Variants in SYN2 observed in about 807,000 individuals in gnomAD.
SYN2 encodes synapsin II.
In SYN2, 19 loss-of-function variants were observed where a neutral mutation model predicts 50.9. The observed-to-expected ratio is 0.37, with a 90% confidence interval of 0.26 to 0.55. The LOEUF is 0.55. Among genes scored for constraint, SYN2 ranks in the 20% least tolerant of loss-of-function variants. The probability of loss-of-function intolerance (pLI) is 0.81; values close to 1 mark genes in which losing one functional copy is unlikely to be tolerated. For synonymous variants in SYN2, 255 were observed against 224.9 expected, an observed-to-expected ratio of 1.13 and a Z score of -1.20; for missense variants, 587 against 576.4, an observed-to-expected ratio of 1.02 and a Z score of -0.19.
intron 1 of SYN2, among the ~76,000 whole-genome samples, chr3:12,044,212 C>T (rs971464494): frequency 6.6e-6 from 1 of 151,728 alleles, no homozygotes; most frequent in Non-Finnish European, 1.5e-5. Context: ...CACACACACA[C>T]ACACACACAC....
intron 1 of SYN2, among the ~76,000 whole-genome samples, chr3:12,074,909 C>G (rs1195708556): frequency 3.9e-5 from 6 of 152,068 alleles, no homozygotes. Flanking sequence ...TCTGAGATAT[C>G]CCTGTATCCT....
At chr3:12,062,691 A>G (rs1695139254) in intron 1 of SYN2, among the ~76,000 whole-genome samples, 1 of 152,088 alleles carries the variant, frequency 6.6e-6, no homozygotes, top group Admixed American at 6.6e-5. Context: ...TTACAAAACT[A>G]AACATAGTCT....
chr3:12,180,248 GTT>G (rs11306104), intron 10 of SYN2, among the ~76,000 whole-genome samples: 45 of 148,554 alleles, frequency 3.0e-4, no homozygotes, highest in Admixed American at 7.3e-4. Flanking sequence ...ACCCAGCTGG[GTT>G]TTTTTTTTTT....
chr3:12,082,334 C>T lies in SYN2; in HGVS notation c.378-58317C>T, dbSNP rs557604457. On this transcript the variant is annotated intron_variant, in intron 1 of 12. Transcript: ENST00000621198. The stretch of plus-strand genomic sequence containing the variant: ...CTAGCACATACCAAAATTACAGACC[C>T]GCAGGAGTAAAGCAGGTATTCAGCA... Among the ~76,000 whole-genome samples, 72 of 152,238 alleles carry T rather than the reference C, an allele frequency of 4.7e-4. 1 individual carries two copies. The highest frequency in any genetic ancestry group is 1.6e-3 in the African/African-American group (66 of 41,530).
chr3:12,155,168 A>T (rs1468319612), intron 5 of SYN2, among the ~76,000 whole-genome samples: 1 of 152,262 alleles, frequency 6.6e-6, no homozygotes, highest in East Asian at 1.9e-4. Flanking sequence ...CAGTCGCTCA[A>T]TCATTTACTC....
chr3:12,061,534 G>C (rs547390333), intron 1 of SYN2, among the ~76,000 whole-genome samples: 3 of 152,038 alleles, frequency 2.0e-5, no homozygotes, highest in African/African-American at 7.2e-5. Context: ...ACATCATATT[G>C]GATAACTTAG....
chr3:12,040,308 C>T (rs980408164), intron 1 of SYN2, among the ~76,000 whole-genome samples: 1 of 152,078 alleles, frequency 6.6e-6, no homozygotes, highest in Non-Finnish European at 1.5e-5. Context: ...ATTAATCTGC[C>T]TCTGATGAAC....
In SYN2 at chr3:12,105,183, G is replaced by C. The variant is rs924206749; in HGVS notation, c.378-35468G>C. Among the ~76,000 whole-genome samples, 5 of 152,108 alleles carry C rather than the reference G, an allele frequency of 3.3e-5. No individual in the cohort carries two copies. In the East Asian group the frequency reaches 7.7e-4, roughly 24 times the overall value. Reference sequence around the variant, plus strand: ...CTAAATTAGAAGAATGTCAACTCATGCAGTGGCTACAGTATTAGACAAGGA... The same window carrying C: ...CTAAATTAGAAGAATGTCAACTCATCCAGTGGCTACAGTATTAGACAAGGA... On this transcript the variant is annotated intron_variant, in intron 1 of 12. Coordinates refer to ENST00000621198, the MANE Select transcript of SYN2 (RefSeq NM_133625.6).
intron 5 of SYN2, chr3:12,158,667 C>T (rs747610006): frequency 1.2e-6 from 2 of 1,607,230 alleles, no homozygotes; most frequent in Admixed American, 1.7e-5. Flanking sequence ...CCCACAACCA[C>T]CCCCTGCTGT....
chr3:12,167,613 T>A (rs1044080744), intron 8 of SYN2, among the ~76,000 whole-genome samples: 3 of 152,250 alleles, frequency 2.0e-5, no homozygotes, highest in East Asian at 1.9e-4. Flanking sequence ...TTTTTTTTTT[T>A]TATAATTACC....
intron 1 of SYN2, among the ~76,000 whole-genome samples, chr3:12,098,618 T>A (rs1433215226): frequency 6.6e-6 from 1 of 151,476 alleles, no homozygotes; most frequent in Non-Finnish European, 1.5e-5. Flanking sequence ...AAATGCAAAT[T>A]TAGCACAAAA....
At chr3:12,043,301 A>G (rs1490119135) in intron 1 of SYN2, among the ~76,000 whole-genome samples, 1 of 152,166 alleles carries the variant, frequency 6.6e-6, no homozygotes, top group Non-Finnish European at 1.5e-5. Context: ...CACTGGGTTT[A>G]CAGGTGTGAA....
intron 1 of SYN2, among the ~76,000 whole-genome samples, chr3:12,009,917 A>C (rs1028779287): frequency 4.6e-5 from 7 of 152,126 alleles, no homozygotes; most frequent in Admixed American, 1.3e-4. Flanking sequence ...CAACACGGTG[A>C]AACCCCGTCT....
At chr3:12,164,655 G>A (rs1267141613) in intron 7 of SYN2, among the ~76,000 whole-genome samples, 1 of 152,182 alleles carries the variant, frequency 6.6e-6, no homozygotes, top group Non-Finnish European at 1.5e-5. Context: ...CAGCTGTGGA[G>A]GTCATATGAT....
At chr3:12,067,457 A>G (rs1172733424) in intron 1 of SYN2, among the ~76,000 whole-genome samples, 4 of 152,324 alleles carry the variant, frequency 2.6e-5, no homozygotes, top group East Asian at 1.9e-4. Flanking sequence ...TCCTCTAATT[A>G]ATATGCATGG....
chr3:12,018,995 A>G (rs1694075602), intron 1 of SYN2, among the ~76,000 whole-genome samples: 1 of 152,174 alleles, frequency 6.6e-6, no homozygotes, highest in South Asian at 2.1e-4. Flanking sequence ...CTGTGTAGGT[A>G]GTGAATTTTG....
chr3:12,019,876 A>G (rs1694095185), intron 1 of SYN2, among the ~76,000 whole-genome samples: 1 of 152,152 alleles, frequency 6.6e-6, no homozygotes, highest in Non-Finnish European at 1.5e-5. Flanking sequence ...TCTAAAATCA[A>G]TACTCTTCTC....
chr3:12,159,516 A>G (rs1330200470), intron 5 of SYN2, among the ~76,000 whole-genome samples: 1 of 151,984 alleles, frequency 6.6e-6, no homozygotes, highest in Non-Finnish European at 1.5e-5. Flanking sequence ...GGGTGGGGAG[A>G]GATGTCAAAG....
intron 9 of SYN2, among the ~76,000 whole-genome samples, chr3:12,169,403 T>A (rs1697884086): frequency 6.6e-6 from 1 of 152,130 alleles, no homozygotes; most frequent in Non-Finnish European, 1.5e-5. Context: ...AATCAGAGAT[T>A]TAAGGGGATG....
Sources: gnomAD v4.1 joint callset for allele counts (sites outside exome capture counted in the v4.1 genomes callset) on GRCh38, gnomAD v4.1.1 for gene constraint, MANE v1.5 for transcripts, NCBI Gene and HGNC (gene_info 2026-07-23, HGNC 2026-07-21) for gene names.